Variants in RABGAP1L observed in about 807,000 individuals in gnomAD.
The protein encoded by RABGAP1L is rab GTPase-activating protein 1-like.
Under a neutral mutation model 137.7 loss-of-function variants are expected in RABGAP1L, and 63 were observed. The observed-to-expected ratio is 0.46, with a 90% CI of 0.37 to 0.56. RABGAP1L has a LOEUF of 0.56. Ranked by LOEUF, RABGAP1L falls within the 20% of genes least tolerant of loss-of-function variation. The pLI is 0.00. For missense variants in RABGAP1L, 1,095 were observed against 1,244.0 expected, an observed-to-expected ratio of 0.88 and a Z score of 1.80; for synonymous variants, 431 against 433.7, an observed-to-expected ratio of 0.99 and a Z score of 0.08.
At chr1:174,674,738 C>T (rs1338839795) in intron 14 of RABGAP1L, among the ~76,000 whole-genome samples, 11 of 151,952 alleles carry the variant, frequency 7.2e-5, no homozygotes, top group Non-Finnish European at 1.2e-4. Flanking sequence ...TCCACATCCT[C>T]TCCAGCACCT....
chr1:174,434,385 G>A (rs565724118), intron 13 of RABGAP1L, among the ~76,000 whole-genome samples: 21 of 152,190 alleles, frequency 1.4e-4, no homozygotes, highest in African/African-American at 4.8e-4. Context: ...ATGGATGTGC[G>A]TGGGCTGTTT....
chr1:174,478,906 C>T (rs887282927), intron 13 of RABGAP1L, among the ~76,000 whole-genome samples: 9 of 152,002 alleles, frequency 5.9e-5, no homozygotes, highest in Admixed American at 1.3e-4. Context: ...TTTAAGTTTC[C>T]AAAAGATATT....
intron 1 of RABGAP1L, among the ~76,000 whole-genome samples, chr1:174,168,392 G>A (rs1665085300): frequency 6.6e-6 from 1 of 151,836 alleles, no homozygotes; most frequent in Admixed American, 6.6e-5. Flanking sequence ...TTCTGAAGTT[G>A]TTTTAGAATA....
intron 13 of RABGAP1L, among the ~76,000 whole-genome samples, chr1:174,575,661 A>T (rs1668317670): frequency 1.3e-5 from 2 of 152,354 alleles, no homozygotes; most frequent in South Asian, 4.1e-4. Context: ...ATCTATACTT[A>T]AAAGACATTT....
At chr1:174,556,328 A>G (rs1056645122) in intron 13 of RABGAP1L, among the ~76,000 whole-genome samples, 1 of 152,142 alleles carries the variant, frequency 6.6e-6, no homozygotes, top group Non-Finnish European at 1.5e-5. Context: ...TTCATTACAT[A>G]TGTTCATTTT....
intron 17 of RABGAP1L, among the ~76,000 whole-genome samples, chr1:174,735,739 G>T (rs1682885622): frequency 6.6e-6 from 1 of 151,840 alleles, no homozygotes; most frequent in South Asian, 2.1e-4. Flanking sequence ...TGCTTCTGGT[G>T]AGGGCCACAG....
intron 13 of RABGAP1L, among the ~76,000 whole-genome samples, chr1:174,601,247 G>C (rs894692572): frequency 3.2e-4 from 49 of 152,294 alleles, no homozygotes; most frequent in African/African-American, 1.1e-3. Flanking sequence ...TTTTCCTCCG[G>C]GGCCTCCAGG....
At position 174,461,660 on chromosome 1, in the gene RABGAP1L, G is replaced by A. The variant is rs570850053; in HGVS notation, c.1710+67515G>A. 2.5e-4 allele frequency among the ~76,000 whole-genome samples: 38 copies of A among 152,238 alleles called. No homozygotes were observed. In the South Asian group the frequency reaches 7.9e-3, roughly 32 times the overall value. ...TCTTCCAGTAGTTCTTTCACCTCCA[G>A]CTCACTTGAGGGTATGGTTGGACTG... On this transcript the variant is annotated intron_variant, in intron 13 of 25. Transcript: ENST00000681986.
chr1:174,944,170 G>A (rs1329447586), intron 19 of RABGAP1L, among the ~76,000 whole-genome samples: 2 of 149,842 alleles, frequency 1.3e-5, no homozygotes, highest in South Asian at 2.1e-4. Context: ...CTACTTACTC[G>A]GGAGGCTGAG....
chr1:174,673,010 C>T (rs993289459), intron 14 of RABGAP1L, among the ~76,000 whole-genome samples: 1 of 152,114 alleles, frequency 6.6e-6, no homozygotes, highest in Non-Finnish European at 1.5e-5. Flanking sequence ...TCCATAATTT[C>T]TTTCCTTTTT....
chr1:174,956,936 C>T (rs1473370315), intron 19 of RABGAP1L, among the ~76,000 whole-genome samples: 1 of 152,126 alleles, frequency 6.6e-6, no homozygotes, highest in African/African-American at 2.4e-5. Context: ...GCATGAGCCA[C>T]CACGCCCAGG....
rs1450818801 is a variant in RABGAP1L, at chr1:174,991,248, A to T, written c.*1247A>T. The stretch of plus-strand genomic sequence containing the variant: ...TGCAGGAAATTATTTGATAAGAGCA[A>T]AACTATTTTTATTTTATAAACTATT... On this transcript the variant is annotated 3_prime_UTR_variant, in exon 26 of 26. Coordinates refer to ENST00000681986, the MANE Select transcript of RABGAP1L (RefSeq NM_001366446.1). 1.3e-5 allele frequency: 2 copies of T among 152,260 alleles called. No homozygotes were observed. The highest frequency in any genetic ancestry group is 2.9e-5 in the Non-Finnish European group (2 of 68,034). The allele number at this position is 152,260 out of a possible 1,614,324, so 9.4% of individuals were successfully genotyped here.
chr1:174,328,083 A>C (rs1160061131), intron 11 of RABGAP1L, among the ~76,000 whole-genome samples: 3 of 148,672 alleles, frequency 2.0e-5, no homozygotes, highest in Non-Finnish European at 4.5e-5. Context: ...AATGGAATAT[A>C]TTGGAATACA....
intron 13 of RABGAP1L, among the ~76,000 whole-genome samples, chr1:174,457,229 G>A (rs930286442): frequency 5.9e-5 from 9 of 152,282 alleles, no homozygotes; most frequent in South Asian, 2.1e-4. Context: ...AGAAGTTTTT[G>A]AAGTGAAAGG....
intron 19 of RABGAP1L, among the ~76,000 whole-genome samples, chr1:174,867,495 A>G (rs1329662641): frequency 6.6e-6 from 1 of 152,196 alleles, no homozygotes; most frequent in Non-Finnish European, 1.5e-5. Flanking sequence ...CTTCTATTTC[A>G]GGATTTCTAA....
chr1:174,973,243 A>G (rs1318029722), intron 21 of RABGAP1L, among the ~76,000 whole-genome samples: 3 of 152,238 alleles, frequency 2.0e-5, no homozygotes, highest in African/African-American at 2.4e-5. Flanking sequence ...AGTTGCCTTA[A>G]TCTTGACCTA....
intron 1 of RABGAP1L, among the ~76,000 whole-genome samples, chr1:174,213,901 G>A (rs1280762753): frequency 6.6e-6 from 1 of 152,188 alleles, no homozygotes; most frequent in African/African-American, 2.4e-5. Context: ...AGAAGGAAAA[G>A]CTGAAAGCCT....
intron 17 of RABGAP1L, among the ~76,000 whole-genome samples, chr1:174,724,476 A>G (rs1416163768): frequency 2.6e-5 from 4 of 152,254 alleles, no homozygotes; most frequent in Non-Finnish European, 5.9e-5. Context: ...GGAGCAGCAT[A>G]TGCTTCCAAA....
chr1:174,838,760 A>G (rs1693020053), intron 19 of RABGAP1L, among the ~76,000 whole-genome samples: 1 of 151,386 alleles, frequency 6.6e-6, no homozygotes, highest in Non-Finnish European at 1.5e-5. Context: ...TACTAAAAAT[A>G]CAAAAAATTA....
Sources: gnomAD v4.1 joint callset for allele counts (sites outside exome capture counted in the v4.1 genomes callset) on GRCh38, gnomAD v4.1.1 for gene constraint, MANE v1.5 for transcripts, NCBI Gene and HGNC (gene_info 2026-07-23, HGNC 2026-07-21) for gene names.